Variants in ADCY8 observed in about 807,000 individuals in gnomAD.
The protein encoded by ADCY8 is adenylate cyclase 8.
A neutral mutation model predicts 119.7 loss-of-function variants in ADCY8; 51 were observed. The ratio of observed to expected loss-of-function variants is 0.43; its 90% CI spans 0.34 to 0.54. ADCY8 has a LOEUF of 0.54. ADCY8 is among the 20% of genes least tolerant of loss of function. The probability of loss-of-function intolerance (pLI) is 0.03; values close to 1 mark genes in which losing one functional copy is unlikely to be tolerated. For missense variants in ADCY8, 1,383 were observed against 1,598.8 expected (o/e 0.87, Z 2.30); for synonymous variants, 665 against 651.0 (o/e 1.02, Z -0.33).
rs941725548 is a variant in ADCY8, at chr8:130,867,782, C to T, written c.2210+64G>A. 1.1e-5 allele frequency: 13 copies of T among 1,186,528 alleles called. No homozygotes were observed. The South Asian group carries it at 1.8e-4, about 16-fold the overall frequency. The allele number at this position is 1,186,528 out of a possible 1,614,324, so 73.5% of individuals were successfully genotyped here. On this transcript the variant is annotated intron_variant, in intron 9 of 17. Coordinates refer to ENST00000286355, the MANE Select transcript of ADCY8 (RefSeq NM_001115.3). ...TCTGATTCTTTGAAAAGTCAGCTGG[C>T]TGACTCCACATGAGGAATCTCACAA...
intron 14 of ADCY8, 95 bp from the exon 15 acceptor site, chr8:130,800,667 C>T (rs1320464206): frequency 1.5e-6 from 2 of 1,332,000 alleles, no homozygotes; most frequent in Non-Finnish European, 2.1e-6. Flanking sequence ...CACACGTGCA[C>T]AGTCACCCAC....
chr8:130,987,383 C>T (rs1822433762), intron 2 of ADCY8, among the ~76,000 whole-genome samples: 1 of 152,154 alleles, frequency 6.6e-6, no homozygotes, highest in Non-Finnish European at 1.5e-5. Flanking sequence ...GATCTGATTG[C>T]TAGTCAGCAT....
intron 12 of ADCY8, among the ~76,000 whole-genome samples, chr8:130,822,175 TTGC>T (rs1311949909): frequency 6.6e-6 from 1 of 152,176 alleles, no homozygotes; most frequent in Non-Finnish European, 1.5e-5. Context: ...TACATCCTTG[TTGC>T]CATAGGAATA....
intron 17 of ADCY8, 133 bp from the exon 18 acceptor site, chr8:130,781,010 C>T (rs1815062558): frequency 1.7e-6 from 2 of 1,194,936 alleles, no homozygotes; most frequent in South Asian, 1.5e-5. Context: ...GATCCTGCCC[C>T]CAGTCACTTA....
In ADCY8 at chr8:130,904,648, G is replaced by C. The variant is rs189596601; in HGVS notation, c.1641-606C>G. Among the ~76,000 whole-genome samples the C allele has an allele frequency of 3.3e-5, 5 of 152,272 alleles. No individual in the cohort carries two copies. In the East Asian group the frequency reaches 9.7e-4, roughly 29 times the overall value. On this transcript the variant is annotated intron_variant, in intron 6 of 17. Transcript: ENST00000286355. ...CCCTATAACATGTATATTATAAGGA[G>C]CAAAGAACAAAGCTGTGGACATGTG... is the stretch of plus-strand genomic sequence containing the variant.
intron 4 of ADCY8, among the ~76,000 whole-genome samples, chr8:130,937,868 G>T (rs1820835634): frequency 6.6e-6 from 1 of 152,108 alleles, no homozygotes; most frequent in African/African-American, 2.4e-5. Context: ...ATAAAACAGA[G>T]TTAATCCTCA....
Position 130,966,950 on chromosome 8 carries a change from C to T in ADCY8, c.1111-14952G>A, listed in dbSNP as rs1053071071. Among the ~76,000 whole-genome samples the T allele has an allele frequency of 5.3e-5, 8 of 152,134 alleles. No individual in the cohort carries two copies. In the East Asian group the frequency reaches 1.5e-3, roughly 29 times the overall value. On this transcript the variant is annotated intron_variant, in intron 2 of 17. Coordinates refer to ENST00000286355, the MANE Select transcript of ADCY8 (RefSeq NM_001115.3). ...TTTGAACTTTAATTGTATATTGGTGCTAAAGCTTTCACTCTTAGAAAAAAG... is the reference window on the plus strand; with the variant it reads ...TTTGAACTTTAATTGTATATTGGTGTTAAAGCTTTCACTCTTAGAAAAAAG...
At chr8:130,937,754 G>A (rs1007102588) in intron 4 of ADCY8, among the ~76,000 whole-genome samples, 1 of 152,128 alleles carries the variant, frequency 6.6e-6, no homozygotes, top group African/African-American at 2.4e-5. Flanking sequence ...TAATTTATAT[G>A]TTTGTTCATT....
At chr8:130,964,729 A>G (rs1344397867) in intron 2 of ADCY8, among the ~76,000 whole-genome samples, 2 of 152,240 alleles carry the variant, frequency 1.3e-5, no homozygotes, top group Non-Finnish European at 2.9e-5. Flanking sequence ...CAATAGATCA[A>G]CACTAAAAAA....
chr8:130,857,974 G>T (rs1817802682), intron 9 of ADCY8, among the ~76,000 whole-genome samples: 1 of 152,152 alleles, frequency 6.6e-6, no homozygotes, highest in Non-Finnish European at 1.5e-5. Flanking sequence ...GTTTTGATAA[G>T]TATTTTAATA....
At chr8:130,870,403 A>C (rs1021653131) in intron 8 of ADCY8, among the ~76,000 whole-genome samples, 1 of 152,128 alleles carries the variant, frequency 6.6e-6, no homozygotes. Context: ...TGGAGCTGTA[A>C]TTGACCATTG....
chr8:130,948,717 G>A (rs537768630), intron 3 of ADCY8, among the ~76,000 whole-genome samples: 2 of 151,754 alleles, frequency 1.3e-5, no homozygotes, highest in South Asian at 2.1e-4. Flanking sequence ...AGAGGGTGAC[G>A]GGCTTGGAAA....
chr8:130,903,875 T>C lies in ADCY8; in HGVS notation c.1808A>G (p.Lys603Arg). The change falls in exon 7 of 18, where the codon AAG (lysine) becomes AGG (arginine). Residue 603 changes from lysine to arginine, a missense_variant. Lys to Arg is a conservative substitution (Grantham distance 26). Coordinates refer to ENST00000286355, the MANE Select transcript of ADCY8 (RefSeq NM_001115.3). The stretch of plus-strand genomic sequence containing the variant: ...CCGGTCTGAGGAGCTCACTGACTCC[T>C]TGACGATATCTTCAGGCAAGGACAG... ...SLLSLPEDIVKESVSSSDRRN... is the reference protein window; with the variant it reads ...SLLSLPEDIVRESVSSSDRRN... 1 of 1,614,096 alleles carries C rather than the reference T, an allele frequency of 6.2e-7. No individual in the cohort carries two copies. The highest frequency in any genetic ancestry group is 1.3e-5 in the African/African-American group (1 of 75,046).
chr8:130,821,787 A>G (rs1034230113), intron 12 of ADCY8, among the ~76,000 whole-genome samples: 2 of 152,194 alleles, frequency 1.3e-5, no homozygotes, highest in African/African-American at 4.8e-5. Flanking sequence ...TGCTAAAAAA[A>G]CCTTCCCAGC....
At chr8:130,980,696 G>A (rs1822213690) in intron 2 of ADCY8, among the ~76,000 whole-genome samples, 1 of 152,200 alleles carries the variant, frequency 6.6e-6, no homozygotes. Flanking sequence ...AATGAAGGAT[G>A]AAATAATGGT....
rs569103004 is a variant in ADCY8, at chr8:131,006,922, A to G, written c.961-16380T>C. 2.0e-5 allele frequency among the ~76,000 whole-genome samples: 3 copies of G among 152,300 alleles called. No homozygotes were observed. In the East Asian group the frequency reaches 5.8e-4, roughly 29 times the overall value. On this transcript the variant is annotated intron_variant, in intron 1 of 17. Coordinates refer to ENST00000286355, the MANE Select transcript of ADCY8 (RefSeq NM_001115.3). ...TTTCTTGATGATATCAATCTTTTAG[A>G]GCCATTCATGACTTATCTGCAATGG...
intron 6 of ADCY8, among the ~76,000 whole-genome samples, chr8:130,906,393 A>T (rs747831000): frequency 6.6e-6 from 1 of 152,152 alleles, no homozygotes; most frequent in African/African-American, 2.4e-5. Flanking sequence ...CCCTTTTAGC[A>T]TTTCTCTGGA....
chr8:130,834,385 A>G (rs1321018426), intron 12 of ADCY8, among the ~76,000 whole-genome samples: 1 of 152,212 alleles, frequency 6.6e-6, no homozygotes, highest in Non-Finnish European at 1.5e-5. Context: ...CCAAACAAAT[A>G]TTTTAAAAAT....
At chr8:131,011,911 A>C (rs1460412744) in intron 1 of ADCY8, among the ~76,000 whole-genome samples, 3 of 152,136 alleles carry the variant, frequency 2.0e-5, no homozygotes, top group Non-Finnish European at 4.4e-5. Flanking sequence ...CCTCCAGGAC[A>C]TAGTGGACAC....
Sources: gnomAD v4.1 joint callset for allele counts (sites outside exome capture counted in the v4.1 genomes callset) on GRCh38, gnomAD v4.1.1 for gene constraint, MANE v1.5 for transcripts, NCBI Gene and HGNC (gene_info 2026-07-23, HGNC 2026-07-21) for gene names.